The following FAAH2 variants were observed in gnomAD, a reference collection of about 807,000 sequenced individuals.
FAAH2 encodes fatty acid amide hydrolase 2.
In FAAH2, 60 loss-of-function variants were observed where a neutral mutation model predicts 36.9. That is an observed-to-expected ratio of 1.63 (90% confidence interval 1.32 to 2.02). The LOEUF (loss-of-function observed/expected upper bound fraction) is 2.02. FAAH2 is among the 30% of genes most tolerant of loss of function. The pLI is 0.00. For missense variants in FAAH2, 689 were observed against 397.5 expected (o/e 1.73, Z -6.23); for synonymous variants, 214 against 143.8 (o/e 1.49, Z -3.49).
At chrX:57,466,154 CTCTATATATA>C (rs2057045017) in intron 10 of FAAH2, among the ~76,000 whole-genome samples, 1 of 66,921 alleles carries the variant, frequency 1.5e-5, no homozygotes, top group African/African-American at 6.0e-5. Flanking sequence ...CTCTCTCTCT[CTCTATATATA>C]TATATATATA....
intron 5 of FAAH2, among the ~76,000 whole-genome samples, chrX:57,364,983 C>G (rs2054378536): frequency 9.0e-6 from 1 of 111,461 alleles, no homozygotes; most frequent in Admixed American, 9.5e-5. Flanking sequence ...TATGGTTGAG[C>G]TTAGAATATA....
At chrX:57,482,834 C>T (rs1485954775) in intron 10 of FAAH2, among the ~76,000 whole-genome samples, 2 of 107,164 alleles carry the variant, frequency 1.9e-5, no homozygotes, top group Non-Finnish European at 3.8e-5. Context: ...GTTAAAATAG[C>T]CCCCAGTCTC....
chrX:57,384,812 A>C (rs752289447), intron 7 of FAAH2, among the ~76,000 whole-genome samples: 1 of 111,795 alleles, frequency 8.9e-6, no homozygotes, highest in East Asian at 2.8e-4. Flanking sequence ...TGACCCAGCC[A>C]TCCCATTAGT....
rs767029844 is a variant in FAAH2, at chrX:57,339,971, G to A, written c.623-1300G>A. On this transcript the variant is annotated intron_variant, in intron 4 of 10. Transcript: ENST00000374900. ...TATACATGAAGGGGAGTTTATTAAA[G>A]AGTATTGGCTCACAGGATAACAAGT... is the stretch of plus-strand genomic sequence containing the variant. 1.4e-4 allele frequency among the ~76,000 whole-genome samples: 16 copies of A among 111,546 alleles called. 1 individual carries two copies. The highest frequency in any genetic ancestry group is 2.8e-4 in the Non-Finnish European group (15 of 53,096).
At chrX:57,470,470 C>A (rs1157690767) in intron 10 of FAAH2, among the ~76,000 whole-genome samples, 4 of 111,613 alleles carry the variant, frequency 3.6e-5, no homozygotes, top group African/African-American at 1.3e-4. Context: ...CTATAAGCAC[C>A]TCTATGCAAA....
At chrX:57,267,901 C>T in the FAAH2 span, among the ~76,000 whole-genome samples, 1 of 112,425 alleles carries the variant, frequency 8.9e-6, no homozygotes, top group Non-Finnish European at 1.9e-5. Context: ...AAATGAGATT[C>T]AGTGCACAAA....
the FAAH2 span, among the ~76,000 whole-genome samples, chrX:57,220,223 C>A: frequency 3.7e-5 from 4 of 109,574 alleles, no homozygotes; most frequent in African/African-American, 1.3e-4. Flanking sequence ...CTTTAACCCC[C>A]CAAGCCTCCT....
chrX:57,255,453 C>T, the FAAH2 span, among the ~76,000 whole-genome samples: 40,410 of 110,626 alleles, frequency 0.37, 6,318 homozygotes, highest in Middle Eastern at 0.61. Flanking sequence ...GATACAAAAG[C>T]CTGGCAGAGA....
intron 3 of FAAH2, among the ~76,000 whole-genome samples, chrX:57,330,035 G>A (rs1363624229): frequency 3.6e-5 from 4 of 111,308 alleles, no homozygotes; most frequent in East Asian, 2.8e-4. Flanking sequence ...TGATGATTGC[G>A]TTAACTGCAC....
At chrX:57,440,310 C>A (rs1414741128) in intron 8 of FAAH2, among the ~76,000 whole-genome samples, 1 of 111,283 alleles carries the variant, frequency 9.0e-6, no homozygotes, top group Non-Finnish European at 1.9e-5. Context: ...TAGAAGAGGT[C>A]CTTCACATCC....
intron 1 of FAAH2, among the ~76,000 whole-genome samples, chrX:57,288,056 T>C (rs1326948773): frequency 9.0e-6 from 1 of 111,332 alleles, no homozygotes; most frequent in African/African-American, 3.3e-5. Context: ...AAAGTAATTG[T>C]GATTTTGTAA....
At chrX:57,187,057 TG>T in the FAAH2 span, among the ~76,000 whole-genome samples, 2 of 111,899 alleles carry the variant, frequency 1.8e-5, no homozygotes, top group African/African-American at 6.5e-5. Context: ...GGCTCATTTT[TG>T]GTTCCGTGTG....
chrX:57,284,102 A>T (rs1198215282), upstream of FAAH2, among the ~76,000 whole-genome samples: 1 of 111,989 alleles, frequency 8.9e-6, no homozygotes, highest in Non-Finnish European at 1.9e-5. Flanking sequence ...TCCCTCTGGG[A>T]GCTCTGTCCC....
upstream of FAAH2, among the ~76,000 whole-genome samples, chrX:57,285,142 T>A (rs981269713): frequency 4.5e-5 from 5 of 112,332 alleles, no homozygotes; most frequent in Non-Finnish European, 9.4e-5. Context: ...CTTTACTGGA[T>A]CTGCTAGATG....
the FAAH2 span, among the ~76,000 whole-genome samples, chrX:57,216,289 C>T: frequency 9.6e-6 from 1 of 104,606 alleles, no homozygotes; most frequent in Non-Finnish European, 1.9e-5. Flanking sequence ...CATGCTTCTC[C>T]ACAAGTCCCC....
At chrX:57,480,164 G>A (rs1208518158) in intron 10 of FAAH2, among the ~76,000 whole-genome samples, 2 of 111,208 alleles carry the variant, frequency 1.8e-5, no homozygotes, top group African/African-American at 6.5e-5. Flanking sequence ...TGGTTTCACA[G>A]CCGAATTCTA....
chrX:57,248,377 G>T, the FAAH2 span, among the ~76,000 whole-genome samples: 3 of 111,825 alleles, frequency 2.7e-5, no homozygotes, highest in Non-Finnish European at 3.8e-5. Flanking sequence ...AAGAAATTCA[G>T]TTGTGTCTTT....
intron 4 of FAAH2, among the ~76,000 whole-genome samples, chrX:57,340,297 G>T (rs188762731): frequency 2.7e-5 from 3 of 111,670 alleles, no homozygotes; most frequent in Non-Finnish European, 5.7e-5. Context: ...GGTGCCTGTT[G>T]TGACTGGGGA....
At chrX:57,296,670 G>C (rs1027484190) in intron 2 of FAAH2, among the ~76,000 whole-genome samples, 1 of 111,623 alleles carries the variant, frequency 9.0e-6, no homozygotes. Context: ...AAAGGAGGAA[G>C]TTTGAACCCA....
Sources: allele counts gnomAD v4.1 joint callset (sites outside exome capture counted in the v4.1 genomes callset), GRCh38; gene constraint gnomAD v4.1.1; transcripts MANE v1.5; gene names NCBI Gene and HGNC (gene_info 2026-07-23, HGNC 2026-07-21).